SLCO3A1: variants seen among roughly 807,000 people sequenced by gnomAD.
The protein encoded by SLCO3A1 is PGE1 transporter.
In SLCO3A1, 27 loss-of-function variants were observed where a neutral mutation model predicts 63.1. The observed-to-expected ratio is 0.43, with a 90% CI of 0.32 to 0.59. The LOEUF (loss-of-function observed/expected upper bound fraction) is 0.59, where lower values mean the gene tolerates loss of function less well. Ranked by LOEUF, SLCO3A1 falls within the 20% of genes least tolerant of loss-of-function variation. SLCO3A1 has a pLI of 0.09. For synonymous variants in SLCO3A1, 473 were observed against 409.9 expected (o/e 1.15, Z -1.86); for missense variants, 773 against 945.8 (o/e 0.82, Z 2.40).
chr15:91,970,037 A>T (rs1304565129), intron 2 of SLCO3A1, among the ~76,000 whole-genome samples: 1 of 152,364 alleles, frequency 6.6e-6, no homozygotes, highest in Middle Eastern at 3.4e-3. Flanking sequence ...GAAATGTTAA[A>T]AGGCAAAAAG....
rs181292274 is a variant in SLCO3A1, at chr15:92,009,518, C to T, written c.647-85363C>T. Among the ~76,000 whole-genome samples, 18 of 152,280 alleles carry T rather than the reference C, an allele frequency of 1.2e-4. No homozygotes were observed. The East Asian group carries it at 3.5e-3, about 29-fold the overall frequency. ...TGTACAGCCTGTGCAATAAGTAAAC[C>T]AGGGATTCGTGTGTCAGGAAGACAG... On this transcript the variant is annotated intron_variant, in intron 2 of 9. Transcript: ENST00000318445.
intron 2 of SLCO3A1, among the ~76,000 whole-genome samples, chr15:92,077,875 AG>A (rs2047297876): frequency 6.6e-6 from 1 of 152,028 alleles, no homozygotes; most frequent in African/African-American, 2.4e-5. Context: ...CCCCTTTCTG[AG>A]TGGGAGGAAG....
intron 7 of SLCO3A1, among the ~76,000 whole-genome samples, chr15:92,129,305 G>A (rs1209891912): frequency 1.3e-5 from 2 of 152,276 alleles, no homozygotes; most frequent in Middle Eastern, 3.4e-3. Flanking sequence ...TAGAAGATCA[G>A]TTCTAGGTGC....
chr15:91,997,680 G>A (rs1310149885), intron 2 of SLCO3A1, among the ~76,000 whole-genome samples: 1 of 152,144 alleles, frequency 6.6e-6, no homozygotes, highest in African/African-American at 2.4e-5. Context: ...CAGTGGAGCA[G>A]AATAGAGAAC....
chr15:91,888,952 G>A (rs1251005510), intron 1 of SLCO3A1: 7 of 267,664 alleles, frequency 2.6e-5, no homozygotes, highest in Non-Finnish European at 5.0e-5. Context: ...AAGGTTTCGG[G>A]GAGCTGTGAT....
intron 2 of SLCO3A1, among the ~76,000 whole-genome samples, chr15:91,996,834 A>G (rs1240571685): frequency 6.6e-6 from 1 of 152,192 alleles, no homozygotes; most frequent in African/African-American, 2.4e-5. Context: ...CAGTATAAAT[A>G]TATCTAGATG....
At chr15:91,977,067 A>C (rs1034319927) in intron 2 of SLCO3A1, among the ~76,000 whole-genome samples, 5 of 152,148 alleles carry the variant, frequency 3.3e-5, no homozygotes, top group African/African-American at 1.2e-4. Flanking sequence ...GGAACTAGAT[A>C]GGGGTGATAG....
rs1045683816 is a variant in SLCO3A1, at chr15:91,941,085, C to T, written c.646+24627C>T. ...TTATGACCATTTTCTCTGACATTAACGTGCAAGCCTCTGGCCGTGCAATTA... is the reference window on the plus strand; with the variant it reads ...TTATGACCATTTTCTCTGACATTAATGTGCAAGCCTCTGGCCGTGCAATTA... On this transcript the variant is annotated intron_variant, in intron 2 of 9. Transcript: ENST00000318445. This position sits in a 1 kb window ranked among gnomAD's most constrained non-coding sequence, Gnocchi z 4.4. Among the ~76,000 whole-genome samples, 6 of 152,118 alleles carry T rather than the reference C, an allele frequency of 3.9e-5. No individual in the cohort carries two copies. The highest frequency in any genetic ancestry group is 6.5e-5 in the Admixed American group (1 of 15,280).
At chr15:92,102,964 A>G (rs2047624482) in intron 3 of SLCO3A1, among the ~76,000 whole-genome samples, 1 of 152,212 alleles carries the variant, frequency 6.6e-6, no homozygotes, top group African/African-American at 2.4e-5. Flanking sequence ...AACAGATAAT[A>G]AAAGTCCTGC....
At chr15:92,129,179 T>C (rs1395598883) in intron 7 of SLCO3A1, among the ~76,000 whole-genome samples, 13 of 152,170 alleles carry the variant, frequency 8.5e-5, no homozygotes, top group Admixed American at 8.5e-4. Flanking sequence ...ACCCGAGCAG[T>C]AGGTCCTACC....
At chr15:92,083,123 T>C (rs2047366352) in intron 2 of SLCO3A1, among the ~76,000 whole-genome samples, 1 of 152,198 alleles carries the variant, frequency 6.6e-6, no homozygotes, top group Non-Finnish European at 1.5e-5. Flanking sequence ...ATGATCACTT[T>C]CCTTGTAAAG....
chr15:92,048,615 G>A (rs1277060029), intron 2 of SLCO3A1, among the ~76,000 whole-genome samples: 2 of 152,142 alleles, frequency 1.3e-5, no homozygotes, highest in Non-Finnish European at 2.9e-5. Context: ...TGTCTGCTGG[G>A]GAGGTAACCC....
At chr15:92,170,956 G>A (rs961833250) in intron 10 of SLCO3A1, 2 of 152,182 alleles carry the variant, frequency 1.3e-5, no homozygotes, top group Non-Finnish European at 2.9e-5. Flanking sequence ...CTGTAAGAAC[G>A]TAGGCCTTGT....
At position 91,915,983 on chromosome 15, in the gene SLCO3A1, C is replaced by G. The variant is rs1413956811; in HGVS notation, c.181-10C>G. 3 of 1,603,662 alleles carry G rather than the reference C, an allele frequency of 1.9e-6. No homozygotes were observed. The highest frequency in any genetic ancestry group is 3.4e-5 in the Admixed American group (2 of 58,226). The stretch of plus-strand genomic sequence containing the variant: ...GGATTGGCTCTGACCTTTCTTCTTG[C>G]CCCCCTCAGGTGAGCGTCCTGACCA... On this transcript the variant is annotated splice_polypyrimidine_tract_variant and intron_variant, in intron 1 of 9. Coordinates refer to ENST00000318445, the MANE Select transcript of SLCO3A1 (RefSeq NM_013272.4).
Position 92,073,312 on chromosome 15 carries a change from A to G in SLCO3A1, c.647-21569A>G, listed in dbSNP as rs570052816. On this transcript the variant is annotated intron_variant, in intron 2 of 9. Coordinates refer to ENST00000318445, the MANE Select transcript of SLCO3A1 (RefSeq NM_013272.4). ...GGGCTCGGTAGCATGAGTTTACTCT[A>G]TCCTCATCCCACGACATTCTACCCC... Among the ~76,000 whole-genome samples the G allele has an allele frequency of 1.1e-4, 17 of 152,306 alleles. No individual in the cohort carries two copies. The South Asian group carries it at 1.7e-3, about 15-fold the overall frequency.
intron 2 of SLCO3A1, among the ~76,000 whole-genome samples, chr15:92,012,254 C>G (rs2046377283): frequency 1.3e-5 from 2 of 152,188 alleles, no homozygotes; most frequent in African/African-American, 4.8e-5. Flanking sequence ...GAGATTGGAG[C>G]AGCTTGCACG....
intron 1 of SLCO3A1, among the ~76,000 whole-genome samples, chr15:91,864,558 G>T (rs1897121609): frequency 6.8e-6 from 1 of 146,860 alleles, no homozygotes; most frequent in Non-Finnish European, 1.5e-5. Context: ...TATCCTTAAT[G>T]GAGTGAACAG....
chr15:92,127,273 C>T (rs140901717), intron 6 of SLCO3A1, among the ~76,000 whole-genome samples: 7 of 152,324 alleles, frequency 4.6e-5, no homozygotes, highest in African/African-American at 1.2e-4. Flanking sequence ...GCAGACTGCT[C>T]AACTCCCAAG....
rs1013696346 is a variant in SLCO3A1, at chr15:91,912,441, A to C, written c.181-3552A>C. ...GTCACCCCTGTGCGTTGCTCTGCAA[A>C]GAGCAGGTGGGAGCCAGGACAAGAG... On this transcript the variant is annotated intron_variant, in intron 1 of 9. Transcript: ENST00000318445. This position sits in a 1 kb window ranked among gnomAD's most constrained non-coding sequence, Gnocchi z 5.0. Among the ~76,000 whole-genome samples the C allele has an allele frequency of 3.3e-5, 5 of 152,204 alleles. No homozygotes were observed. The highest frequency in any genetic ancestry group is 1.2e-4 in the African/African-American group (5 of 41,440).
Sources: allele counts gnomAD v4.1 joint callset (sites outside exome capture counted in the v4.1 genomes callset), GRCh38; gene constraint gnomAD v4.1.1; non-coding constraint Gnocchi (gnomAD v3.1); transcripts MANE v1.5; gene names NCBI Gene and HGNC (gene_info 2026-07-23, HGNC 2026-07-21).